The following MPDU1 variants were observed in gnomAD, a reference collection of about 807,000 sequenced individuals.
MPDU1 encodes mannose-P-dolichol utilization defect 1, also known as mannose-P-dolichol utilization defect 1 protein.
A neutral mutation model predicts 27.6 loss-of-function variants in MPDU1; 18 were observed. That is an observed-to-expected ratio of 0.65 (90% confidence interval 0.45 to 0.97). MPDU1 has a LOEUF of 0.97. MPDU1 is among the 50% of genes least tolerant of loss of function. MPDU1 has a pLI of 0.00. For synonymous variants in MPDU1, 142 were observed against 131.1 expected (o/e 1.08, Z -0.57); for missense variants, 279 against 297.4 (o/e 0.94, Z 0.46).
rs537710358 is a variant in MPDU1 at position 7,587,654 on chromosome 17, C to T, written c.*103C>T. On this transcript the variant is annotated 3_prime_UTR_variant, in exon 7 of 7. Transcript: ENST00000250124. ...TGTGACTTACTCATCCTCCATTCCT[C>T]TGCACTTGCAGACTTTCTGAGCCAG... 6.4e-5 allele frequency: 97 copies of T among 1,505,414 alleles called. 1 individual carries two copies. In the South Asian group the frequency reaches 9.3e-4, roughly 14 times the overall value. The allele number at this position is 1,505,414 out of a possible 1,614,324, so 93.3% of individuals were successfully genotyped here. A position where few individuals can be genotyped will look rare whatever the true frequency, so the allele number is the denominator to read the frequency against.
At position 7,583,853 on chromosome 17, in the gene MPDU1, G is replaced by T; in HGVS notation, c.-10G>T. ...GGTCTGGAGAGACTGGCGGAAGCTA[G>T]CTTTGCAATATGGCGGCCGAGGCGG... On this transcript the variant is annotated 5_prime_UTR_variant, in exon 1 of 7. Coordinates refer to ENST00000250124, the MANE Select transcript of MPDU1 (RefSeq NM_004870.4). The T allele has an allele frequency of 1.2e-6, 2 of 1,614,110 alleles. No homozygotes were observed. Among genetic ancestry groups the T allele is most frequent in the African/African-American group, 2.7e-5 (2 of 75,070 alleles).
At chr17:7,583,987 A>G in intron 1 of MPDU1, 22 bp downstream of exon 1, 4 of 1,609,098 alleles carry the variant, frequency 2.5e-6, no homozygotes, top group Non-Finnish European at 3.4e-6. Context: ...TCAGCATCCG[A>G]TCCAAGTCCT....
At chr17:7,584,015 C>T (rs749351952) in intron 1 of MPDU1, 50 bp downstream of exon 1, 6 of 1,560,334 alleles carry the variant, frequency 3.8e-6, no homozygotes, top group Middle Eastern at 1.7e-4. Flanking sequence ...TGACCGTGGG[C>T]CCTTAGTCCA....
chr17:7,587,938 G>A lies in MPDU1; in HGVS notation c.*387G>A. On this transcript the variant is annotated 3_prime_UTR_variant, in exon 7 of 7. Transcript: ENST00000250124. ...TTCTGGCCCTGGAAGACTGAGTCTGGACGGCAGAGTGGAGGGACTGGGAGG... is the reference window on the plus strand; with the variant it reads ...TTCTGGCCCTGGAAGACTGAGTCTGAACGGCAGAGTGGAGGGACTGGGAGG... The A allele has an allele frequency of 2.1e-6, 1 of 481,164 alleles. No individual in the cohort carries two copies. The highest frequency in any genetic ancestry group is 4.1e-6 in the Non-Finnish European group (1 of 245,274). The allele number at this position is 481,164 out of a possible 1,614,324, so 29.8% of individuals were successfully genotyped here.
In MPDU1 at chr17:7,586,912, C is replaced by T. The variant is rs1216951728; in HGVS notation, c.402C>T (p.Leu134=). Reference sequence around the variant, plus strand: ...CCCCACCCCTAGGTGTCGCTTTCCTCGCTTGCTACGGCCTGGTCCTGCTGG... The same window carrying T: ...CCCCACCCCTAGGTGTCGCTTTCCTTGCTTGCTACGGCCTGGTCCTGCTGG... ...RGQTVKGVAF[L]ACYGLVLLVL... The change falls in exon 5 of 7, where the codon CTC becomes CTT. Residue 134 remains leucine, a synonymous_variant. Transcript: ENST00000250124. 33 of 1,613,962 alleles carry T rather than the reference C, an allele frequency of 2.0e-5. No homozygotes were observed. The East Asian group carries it at 3.8e-4, about 19-fold the overall frequency.
At chr17:7,584,901 G>A (rs919293001) in intron 1 of MPDU1, among the ~76,000 whole-genome samples, 2 of 152,190 alleles carry the variant, frequency 1.3e-5, no homozygotes, top group African/African-American at 2.4e-5. Flanking sequence ...GCTGAGGCAG[G>A]AGAATCGCTT....
intron 5 of MPDU1, 70 bp downstream of exon 5, chr17:7,587,087 G>T: frequency 6.3e-7 from 1 of 1,576,430 alleles, no homozygotes; most frequent in East Asian, 2.2e-5. Context: ...AGATCAAAGT[G>T]TGGGGGTGTT....
chr17:7,583,800 G>C (rs759410991), upstream of MPDU1: 3 of 1,552,280 alleles, frequency 1.9e-6, no homozygotes, highest in South Asian at 1.1e-5. Flanking sequence ...AGTGTCCGCA[G>C]CGCGCACGCG....
chr17:7,583,880 C>G lies in MPDU1; in HGVS notation c.18C>G (p.Asp6Glu). 1.2e-6 allele frequency: 2 copies of G among 1,614,078 alleles called. No homozygotes were observed. Among genetic ancestry groups the G allele is most frequent in the Non-Finnish European group, 1.7e-6 (2 of 1,180,032 alleles). The stretch of plus-strand genomic sequence containing the variant: ...TTTGCAATATGGCGGCCGAGGCGGA[C>G]GGACCGCTTAAACGGCTGCTCGTGC... MAAEA[D>E]GPLKRLLVPI... The change falls in exon 1 of 7, where the codon GAC becomes GAG. Residue 6 changes from aspartate (D) to glutamate (E), a missense_variant. Asp to Glu is a conservative substitution (Grantham distance 45). Coordinates refer to ENST00000250124, the MANE Select transcript of MPDU1 (RefSeq NM_004870.4).
chr17:7,586,284 AC>A (rs2071581419), intron 3 of MPDU1: 1 of 607,734 alleles, frequency 1.6e-6, no homozygotes, highest in South Asian at 1.8e-5. Flanking sequence ...TACTAAAAAT[AC>A]AAAATTAGCT....
intron 3 of MPDU1, chr17:7,586,406 T>C: frequency 5.8e-6 from 3 of 516,054 alleles, no homozygotes; most frequent in South Asian, 2.0e-5. Flanking sequence ...GCCACTGCAC[T>C]CCAGCCTGGG....
rs376449010 is a variant in MPDU1, at chr17:7,587,767, T to C, written c.*216T>C. On this transcript the variant is annotated 3_prime_UTR_variant, in exon 7 of 7. Coordinates refer to ENST00000250124, the MANE Select transcript of MPDU1 (RefSeq NM_004870.4). The stretch of plus-strand genomic sequence containing the variant: ...GGGTAGAGTCTCCCAAGCCAAAATT[T>C]TGACATTTGAGTGCTTTCGTAAGCC... The C allele has an allele frequency of 1.4e-6, 1 of 705,804 alleles. No homozygotes were observed. The highest frequency in any genetic ancestry group is 1.8e-5 in the African/African-American group (1 of 57,080). 43.7% of individuals were successfully genotyped at this position (705,804 alleles called of 1,614,324 possible). A position where few individuals can be genotyped will look rare whatever the true frequency, so the allele number is the denominator to read the frequency against.
In MPDU1 at chr17:7,587,500, G is replaced by C; in HGVS notation, c.693G>C (p.Leu231=). ...GCAACGGCCTCATCGCCGCCCAGCT[G>C]CTCTTCTACTGGAATGCAAAGCCTC... ...SLCNGLIAAQ[L]LFYWNAKPPH... Residue 231 remains leucine, a synonymous_variant, in exon 7 of 7, where the codon CTG becomes CTC. Coordinates refer to ENST00000250124, the MANE Select transcript of MPDU1 (RefSeq NM_004870.4). The C allele has an allele frequency of 1.2e-6, 2 of 1,613,704 alleles. No homozygotes were observed. The highest frequency in any genetic ancestry group is 1.7e-6 in the Non-Finnish European group (2 of 1,179,992).
At chr17:7,583,792 T>G (rs777266734), upstream of MPDU1, 13 of 1,498,896 alleles carry the variant, frequency 8.7e-6, no homozygotes, top group East Asian at 1.8e-4. Context: ...GGAGGCGGAG[T>G]GTCCGCAGCG....
chr17:7,586,146 G>GT (rs1567742889), intron 3 of MPDU1, 68 bp downstream of exon 3: 6 of 1,596,636 alleles, frequency 3.8e-6, no homozygotes, highest in Non-Finnish European at 5.1e-6. Flanking sequence ...GGTGAAGGAG[G>GT]TTACAAGGCA....
At position 7,587,021 on chromosome 17, in the gene MPDU1, G is replaced by C; in HGVS notation, c.507+4G>C. 6.2e-7 allele frequency: 1 copy of C among 1,600,992 alleles called. No homozygotes were observed. Among genetic ancestry groups the C allele is most frequent in the East Asian group, 2.3e-5 (1 of 44,090 alleles). ...GCCTGCTGTGGTGGTGGGGAGGGTG[G>C]GTACCAGGAGCAAGGGACAAGATGT... On this transcript the variant is annotated splice_donor_region_variant and intron_variant, in intron 5 of 6. Coordinates refer to ENST00000250124, the MANE Select transcript of MPDU1 (RefSeq NM_004870.4).
chr17:7,587,560 A>T lies in MPDU1; in HGVS notation c.*9A>T. On this transcript the variant is annotated 3_prime_UTR_variant, in exon 7 of 7. Coordinates refer to ENST00000250124, the MANE Select transcript of MPDU1 (RefSeq NM_004870.4). ...AGAAAAAGGCGCAGTAGAGCCAGCT[A>T]CTGGAGTCATTCCGTTTCCACTCAT... 6.2e-7 allele frequency: 1 copy of T among 1,613,586 alleles called. No homozygotes were observed.
In MPDU1 at chr17:7,587,003, G is replaced by A. The variant is rs1246931758; in HGVS notation, c.493G>A (p.Val165Met). ...TLLQASNVPA[V>M]VVGRLLQAAT... Reference sequence around the variant, plus strand: ...GCTCCAGGCCTCCAATGTGCCTGCTGTGGTGGTGGGGAGGGTGGGTACCAG... The same window carrying A: ...GCTCCAGGCCTCCAATGTGCCTGCTATGGTGGTGGGGAGGGTGGGTACCAG... Residue 165 changes from valine to methionine, a missense_variant, in exon 5 of 7, where the codon GTG (valine) becomes ATG (methionine). Coordinates refer to ENST00000250124, the MANE Select transcript of MPDU1 (RefSeq NM_004870.4). 1 of 1,612,942 alleles carries A rather than the reference G, an allele frequency of 6.2e-7. No individual in the cohort carries two copies. The highest frequency in any genetic ancestry group is 1.1e-5 in the South Asian group (1 of 90,968).
At chr17:7,583,764 C>T (rs765346961), upstream of MPDU1, 1 of 1,296,242 alleles carries the variant, frequency 7.7e-7, no homozygotes, top group Non-Finnish European at 1.1e-6. Flanking sequence ...GGGCCAGCTT[C>T]GCCGCGGGAA....
Sources: gnomAD v4.1 joint callset for allele counts (sites outside exome capture counted in the v4.1 genomes callset) on GRCh38, gnomAD v4.1.1 for gene constraint, MANE v1.5 for transcripts, NCBI Gene and HGNC (gene_info 2026-07-23, HGNC 2026-07-21) for gene names.